Variants in MGA observed in about 807,000 individuals in gnomAD.
The protein encoded by MGA is MAX gene-associated protein.
A neutral mutation model predicts 261.1 loss-of-function variants in MGA; 40 were observed. That is an observed-to-expected ratio of 0.15 (90% CI 0.12 to 0.20). The LOEUF (loss-of-function observed/expected upper bound fraction) is 0.20. Among genes scored for constraint, MGA ranks in the 10% least tolerant of loss-of-function variants. The pLI is 1.00. For missense variants in MGA, 3,397 were observed against 3,630.5 expected, an observed-to-expected ratio of 0.94 and a Z score of 1.65; for synonymous variants, 1,302 against 1,290.6, an observed-to-expected ratio of 1.01 and a Z score of -0.19.
At position 41,768,638 on chromosome 15, in the gene MGA, T is replaced by A. The variant is rs901408490; in HGVS notation, c.*1358T>A. 6.5e-6 allele frequency: 1 copy of A among 152,678 alleles called. No homozygotes were observed. Among genetic ancestry groups the A allele is most frequent in the African/African-American group, 2.4e-5 (1 of 41,472 alleles). 9.5% of individuals were successfully genotyped at this position (152,678 alleles called of 1,614,324 possible). On this transcript the variant is annotated 3_prime_UTR_variant, in exon 24 of 24. Coordinates refer to ENST00000219905, the MANE Select transcript of MGA (RefSeq NM_001164273.2). ...ATATTTTGGAATGTAACCCCTGTTC[T>A]GTCTTCATTGACAGGATTTGCTTGT...
chr15:41,718,920 A>G lies in MGA; in HGVS notation c.3430+5424A>G, dbSNP rs1157310377. On this transcript the variant is annotated intron_variant, in intron 9 of 23. Transcript: ENST00000219905. ...ACAGGAGGTCCTAGCCAGTGCAGTA[A>G]GGGCATGATAAAGAGAGAGGTATCC... Among the ~76,000 whole-genome samples the G allele has an allele frequency of 2.0e-5, 3 of 152,108 alleles. No individual in the cohort carries two copies. In the East Asian group the frequency reaches 5.8e-4, roughly 29 times the overall value.
chr15:41,716,229 C>T (rs1043442467), intron 9 of MGA, among the ~76,000 whole-genome samples: 7 of 151,244 alleles, frequency 4.6e-5, no homozygotes, highest in Non-Finnish European at 7.4e-5. Flanking sequence ...GGGCAGATCA[C>T]GAGGTCAGGA....
chr15:41,621,977 G>A (rs545988545), intron 1 of MGA, among the ~76,000 whole-genome samples: 22 of 151,446 alleles, frequency 1.5e-4, no homozygotes, highest in African/African-American at 1.9e-4. Context: ...CAGGGGGAGT[G>A]CTGGGGCCGC....
At chr15:41,758,458 A>G (rs2063266754) in intron 19 of MGA, among the ~76,000 whole-genome samples, 1 of 152,078 alleles carries the variant, frequency 6.6e-6, no homozygotes, top group Non-Finnish European at 1.5e-5. Context: ...ATCATAGTGC[A>G]GTTTGTTTGG....
chr15:41,685,765 GGGAGGATCA>G (rs1321476269), intron 2 of MGA, among the ~76,000 whole-genome samples: 1 of 151,126 alleles, frequency 6.6e-6, no homozygotes, highest in Admixed American at 6.6e-5. Context: ...AGGCCGAGGC[GGGAGGATCA>G]GGAGGATCAT....
intron 1 of MGA, among the ~76,000 whole-genome samples, chr15:41,622,216 C>T (rs558385605): frequency 6.6e-6 from 1 of 152,260 alleles, no homozygotes; most frequent in East Asian, 1.9e-4. Flanking sequence ...ATTCGGAGGC[C>T]TGGGGTCCAG....
rs187485107 is a variant in MGA, at chr15:41,766,664, G to A, written c.8582G>A (p.Arg2861Gln). The change falls in exon 24 of 24, where the codon CGG becomes CAG. Residue 2861 changes from arginine (R) to glutamine (Q), a missense_variant. Transcript: ENST00000219905. ...ACAGAGTTCCCAGGGGATGCTCGGC[G>A]GGCTTTTATTAGTAAGGTTCCTCCT... The A allele has an allele frequency of 7.4e-6, 12 of 1,613,946 alleles. No homozygotes were observed. Among genetic ancestry groups the A allele is most frequent in the African/African-American group, 4.0e-5 (3 of 75,008 alleles).
intron 12 of MGA, among the ~76,000 whole-genome samples, chr15:41,735,326 A>G (rs1294040439): frequency 1.3e-5 from 2 of 152,220 alleles, no homozygotes. Context: ...CATGGAAAGA[A>G]TACTTTGGGT....
At chr15:41,651,959 C>CTTT (rs34626334) in intron 1 of MGA, among the ~76,000 whole-genome samples, 4 of 26,170 alleles carry the variant, frequency 1.5e-4, no homozygotes, top group Non-Finnish European at 3.3e-4. Flanking sequence ...TTCCCCCCAC[C>CTTT]TTTTTTTTTT....
At chr15:41,737,454 T>A (rs907108656) in intron 13 of MGA, among the ~76,000 whole-genome samples, 8 of 151,956 alleles carry the variant, frequency 5.3e-5, no homozygotes, top group Non-Finnish European at 1.2e-4. Context: ...CATGCATGGC[T>A]GAAAATTTTA....
At chr15:41,765,375 T>A (rs747061285) in intron 23 of MGA, among the ~76,000 whole-genome samples, 3 of 152,204 alleles carry the variant, frequency 2.0e-5, no homozygotes, top group Admixed American at 6.5e-5. Flanking sequence ...TGATAAATAT[T>A]TGTCACTTTT....
intron 15 of MGA, 26 bp downstream of exon 15, chr15:41,743,198 T>C: frequency 6.4e-7 from 1 of 1,572,180 alleles, no homozygotes; most frequent in Middle Eastern, 1.7e-4. Flanking sequence ...TACTAGCTGC[T>C]TTATTTTACT....
intron 1 of MGA, among the ~76,000 whole-genome samples, chr15:41,644,301 T>C (rs959103692): frequency 1.5e-5 from 2 of 137,864 alleles, no homozygotes; most frequent in East Asian, 2.1e-4. Context: ...TTGAGGTCAG[T>C]AGTTTGAGAC....
intron 1 of MGA, among the ~76,000 whole-genome samples, chr15:41,625,676 T>G (rs2056432074): frequency 6.6e-6 from 1 of 152,034 alleles, no homozygotes; most frequent in Non-Finnish European, 1.5e-5. Flanking sequence ...ATTGTGCCAC[T>G]GCACTCCAGC....
At chr15:41,643,024 T>TA (rs1434262723) in intron 1 of MGA, among the ~76,000 whole-genome samples, 1 of 151,474 alleles carries the variant, frequency 6.6e-6, no homozygotes, top group East Asian at 1.9e-4. Flanking sequence ...AGTGATCTCT[T>TA]ACCTCAGCCT....
intron 16 of MGA, 85 bp downstream of exon 16, chr15:41,749,012 A>T (rs570875300): frequency 6.5e-7 from 1 of 1,545,016 alleles, no homozygotes; most frequent in African/African-American, 1.4e-5. Flanking sequence ...GTTTTTCTTC[A>T]TCTCTTAAGA....
upstream of MGA, among the ~76,000 whole-genome samples, chr15:41,656,338 CCT>C (rs1338645956): frequency 1.8e-5 from 1 of 54,634 alleles, no homozygotes; most frequent in African/African-American, 4.3e-5. Flanking sequence ...CTCTCCCTCT[CCT>C]CTCTTCTCTC....
At chr15:41,667,257 T>A (rs2057796777) in intron 1 of MGA, among the ~76,000 whole-genome samples, 1 of 152,156 alleles carries the variant, frequency 6.6e-6, no homozygotes, top group Admixed American at 6.5e-5. Context: ...ATTTTTATTT[T>A]TTTTTTTGAG....
intron 10 of MGA, 116 bp from the exon 11 acceptor site, chr15:41,729,048 T>C: frequency 9.7e-7 from 1 of 1,027,016 alleles, no homozygotes; most frequent in Non-Finnish European, 1.4e-6. Flanking sequence ...TTTGAAAGTT[T>C]GCATTAAAAA....
Sources: allele counts gnomAD v4.1 joint callset (sites outside exome capture counted in the v4.1 genomes callset), GRCh38; gene constraint gnomAD v4.1.1; transcripts MANE v1.5; gene names NCBI Gene and HGNC (gene_info 2026-07-23, HGNC 2026-07-21).